The following LIN7A variants were observed in gnomAD, a reference collection of about 807,000 sequenced individuals.
The protein encoded by LIN7A is protein lin-7 homolog A.
A neutral mutation model predicts 29.8 loss-of-function variants in LIN7A; 25 were observed. The observed-to-expected ratio is 0.84, with a 90% CI of 0.61 to 1.17. LIN7A has a LOEUF of 1.17. Among genes scored for constraint, LIN7A ranks in the 50% most tolerant of loss-of-function variants. The probability of loss-of-function intolerance (pLI) is 0.00; values close to 1 mark genes in which losing one functional copy is unlikely to be tolerated. For missense variants in LIN7A, 239 were observed against 287.0 expected, an observed-to-expected ratio of 0.83 and a Z score of 1.21; for synonymous variants, 118 against 107.5, an observed-to-expected ratio of 1.10 and a Z score of -0.60.
At chr12:80,925,869 C>G (rs1877554898) in intron 1 of LIN7A, among the ~76,000 whole-genome samples, 1 of 152,208 alleles carries the variant, frequency 6.6e-6, no homozygotes, top group Non-Finnish European at 1.5e-5. Context: ...TTAATCCTCA[C>G]AACAATCTTG....
chr12:80,853,972 G>T (rs1873464174), intron 2 of LIN7A, among the ~76,000 whole-genome samples: 1 of 152,126 alleles, frequency 6.6e-6, no homozygotes, highest in Non-Finnish European at 1.5e-5. Flanking sequence ...GGGATTACAG[G>T]CATGAGCCAC....
intron 1 of LIN7A, chr12:80,935,958 A>G (rs17732904): frequency 0.01 from 2,425 of 232,052 alleles, 19 homozygotes; most frequent in Middle Eastern, 0.022. Context: ...GGTAGTATAT[A>G]AAATGACCCA....
At chr12:80,906,568 C>G (rs1041315588) in intron 1 of LIN7A, among the ~76,000 whole-genome samples, 1 of 152,008 alleles carries the variant, frequency 6.6e-6, no homozygotes, top group African/African-American at 2.4e-5. Flanking sequence ...AAGAACCACA[C>G]TTTGTGTCTG....
At chr12:80,823,703 C>A (rs1407272215) in intron 4 of LIN7A, among the ~76,000 whole-genome samples, 1 of 152,238 alleles carries the variant, frequency 6.6e-6, no homozygotes, top group Admixed American at 6.5e-5. Context: ...GACACAGAGG[C>A]TTCCAGCCAG....
At chr12:80,864,733 A>C (rs1001689179) in intron 2 of LIN7A, among the ~76,000 whole-genome samples, 2 of 152,212 alleles carry the variant, frequency 1.3e-5, no homozygotes, top group African/African-American at 4.8e-5. Flanking sequence ...TTTTAATGTG[A>C]ATAATATTTC....
intron 4 of LIN7A, among the ~76,000 whole-genome samples, chr12:80,818,009 A>G (rs1238118216): frequency 1.3e-5 from 2 of 152,294 alleles, no homozygotes; most frequent in East Asian, 3.9e-4. Flanking sequence ...AGGACTCACT[A>G]CTACTAGGAT....
intron 1 of LIN7A, among the ~76,000 whole-genome samples, chr12:80,925,233 T>C (rs1301584748): frequency 6.6e-6 from 1 of 152,228 alleles, no homozygotes; most frequent in Non-Finnish European, 1.5e-5. Flanking sequence ...AGTGTTCTAA[T>C]AGAATTATTT....
At chr12:80,878,114 A>G (rs991551504) in intron 2 of LIN7A, among the ~76,000 whole-genome samples, 2 of 152,208 alleles carry the variant, frequency 1.3e-5, no homozygotes, top group African/African-American at 4.8e-5. Flanking sequence ...CATTTACCCA[A>G]TAATGACACT....
At chr12:80,848,976 C>A (rs1289523034) in intron 2 of LIN7A, among the ~76,000 whole-genome samples, 1 of 152,158 alleles carries the variant, frequency 6.6e-6, no homozygotes, top group Non-Finnish European at 1.5e-5. Context: ...TGTTGAGTGT[C>A]TGGGACTAAT....
intron 2 of LIN7A, among the ~76,000 whole-genome samples, chr12:80,878,824 G>C (rs926981144): frequency 6.6e-6 from 1 of 152,134 alleles, no homozygotes; most frequent in East Asian, 1.9e-4. Flanking sequence ...GCTGAATGGT[G>C]CATTTTACAA....
In LIN7A at chr12:80,868,579, TCAAA is replaced by T. The variant is rs1195371738; in HGVS notation, c.202-20261_202-20258del. Among the ~76,000 whole-genome samples the T allele has an allele frequency of 4.6e-5, 7 of 151,796 alleles. No individual in the cohort carries two copies. In the South Asian group the frequency reaches 8.3e-4, roughly 18 times the overall value. On this transcript the variant is annotated intron_variant, in intron 2 of 5. Transcript: ENST00000552864. The stretch of plus-strand genomic sequence containing the variant: ...GCAAAACTCTGTCTCAAAAAATCAA[TCAAA>T]CAAACAAACAACAACAACAACAAAA...
intron 1 of LIN7A, among the ~76,000 whole-genome samples, chr12:80,899,922 A>T (rs1260532241): frequency 6.6e-6 from 1 of 150,900 alleles, no homozygotes; most frequent in Non-Finnish European, 1.5e-5. Context: ...CGCCCGCCAC[A>T]ATGCCAGGCT....
intron 4 of LIN7A, among the ~76,000 whole-genome samples, chr12:80,822,632 T>G (rs1224968377): frequency 2.0e-5 from 3 of 152,140 alleles, no homozygotes; most frequent in African/African-American, 7.2e-5. Context: ...ACTGGGACCC[T>G]TCCACAACAC....
intron 4 of LIN7A, among the ~76,000 whole-genome samples, chr12:80,835,285 C>T (rs1244947763): frequency 6.6e-6 from 1 of 152,252 alleles, no homozygotes; most frequent in East Asian, 1.9e-4. Flanking sequence ...ATTGTGGAAG[C>T]ATAAGTCTTA....
rs375681768 is a variant in LIN7A, at chr12:80,879,511, A to G, written c.201+9740T>C. ...AATTACTAACCAAATCATATAAAAA[A>G]AGAAAACATATATTCTGCTTAAAAT... On this transcript the variant is annotated intron_variant, in intron 2 of 5. Coordinates refer to ENST00000552864, the MANE Select transcript of LIN7A (RefSeq NM_004664.4). Among the ~76,000 whole-genome samples, 5 of 152,226 alleles carry G rather than the reference A, an allele frequency of 3.3e-5. No individual in the cohort carries two copies. The East Asian group carries it at 5.8e-4, about 18-fold the overall frequency.
chr12:80,839,582 A>G (rs1410233100), intron 4 of LIN7A, among the ~76,000 whole-genome samples: 1 of 152,232 alleles, frequency 6.6e-6, no homozygotes, highest in Non-Finnish European at 1.5e-5. Context: ...TGTAGTTCAT[A>G]GCAATTAAAA....
chr12:80,899,830 G>A (rs1163254304), intron 1 of LIN7A, among the ~76,000 whole-genome samples: 5 of 140,206 alleles, frequency 3.6e-5, no homozygotes, highest in African/African-American at 7.8e-5. Flanking sequence ...GTGCAGTGGC[G>A]CGATCTCCAC....
chr12:80,878,586 T>G (rs1166211956), intron 2 of LIN7A, among the ~76,000 whole-genome samples: 4 of 152,124 alleles, frequency 2.6e-5, no homozygotes, highest in Non-Finnish European at 4.4e-5. Context: ...GAAAGAACAA[T>G]ACTTCCACAG....
At chr12:80,925,303 A>G (rs1877522976) in intron 1 of LIN7A, among the ~76,000 whole-genome samples, 2 of 152,230 alleles carry the variant, frequency 1.3e-5, no homozygotes, top group South Asian at 4.1e-4. Flanking sequence ...AGAATGGCAA[A>G]TTAGGTGAGT....
Sources: allele counts gnomAD v4.1 joint callset (sites outside exome capture counted in the v4.1 genomes callset), GRCh38; gene constraint gnomAD v4.1.1; transcripts MANE v1.5; gene names NCBI Gene and HGNC (gene_info 2026-07-23, HGNC 2026-07-21).